PITPNM1: variants seen among roughly 807,000 people sequenced by gnomAD.
The protein encoded by PITPNM1 is membrane-associated phosphatidylinositol transfer protein 1.
In PITPNM1, 74 loss-of-function variants were observed where a neutral mutation model predicts 133.3. That is an observed-to-expected ratio of 0.56 (90% confidence interval 0.46 to 0.67). The LOEUF (loss-of-function observed/expected upper bound fraction) is 0.67, where lower values mean the gene tolerates loss of function less well. Ranked by LOEUF, PITPNM1 falls within the 30% of genes least tolerant of loss-of-function variation. The pLI, the probability that PITPNM1 is intolerant of heterozygous loss-of-function variation, is 0.00. For synonymous variants in PITPNM1, 738 were observed against 741.4 expected, an observed-to-expected ratio of 1.00 and a Z score of 0.08; for missense variants, 1,398 against 1,739.5, an observed-to-expected ratio of 0.80 and a Z score of 3.49.
chr11:67,495,484 G>A lies in PITPNM1; in HGVS notation c.2436C>T (p.Pro812=). The part of the protein sequence containing the change: ...FWKGSELATD[P]PAQPAAPSTT... The stretch of plus-strand genomic sequence containing the variant: ...TGCTGGGGGCGGCTGGCTGGGCCGG[G>A]GGGTCAGTGGCCAACTCACTGCCCT... The change falls in exon 16 of 24, where the codon CCC becomes CCT. Residue 812 remains proline (P), a synonymous_variant. Transcript: ENST00000356404. 6.4e-7 allele frequency: 1 copy of A among 1,563,926 alleles called. No homozygotes were observed. The highest frequency in any genetic ancestry group is 8.6e-7 in the Non-Finnish European group (1 of 1,156,296).
Position 67,502,617 on chromosome 11 carries a change from G to C in PITPNM1, c.180C>G (p.His60Gln), listed in dbSNP as rs752989570. ...DGPGGSGQYT[H>Q]KVYHVGSHIP... ...TGTGGGAGCCCACGTGGTACACCTT[G>C]TGTGTGTATTGCCCGCTGCCCCCGG... The change falls in exon 3 of 24, where the codon CAC (histidine) becomes CAG (glutamine). Residue 60 changes from histidine to glutamine, a missense_variant. Transcript: ENST00000356404. The surrounding 1 kb of genome is among the most constrained non-coding windows in gnomAD (Gnocchi z 5.9). 5 of 1,613,474 alleles carry C rather than the reference G, an allele frequency of 3.1e-6. No homozygotes were observed. The African/African-American group carries it at 6.7e-5, about 22-fold the overall frequency.
Position 67,496,269 on chromosome 11 carries a change from G to A in PITPNM1, c.2226C>T (p.Pro742=), listed in dbSNP as rs750880137. 2 of 1,562,480 alleles carry A rather than the reference G, an allele frequency of 1.3e-6. No individual in the cohort carries two copies. The highest frequency in any genetic ancestry group is 2.4e-5 in the South Asian group (2 of 83,468). The change falls in exon 15 of 24, where the codon CCC becomes CCT. Residue 742 remains proline (P), a synonymous_variant. Coordinates refer to ENST00000356404, the MANE Select transcript of PITPNM1 (RefSeq NM_004910.3). ...TGGCCTGGAACTTCGGGGCCAGCAG[G>A]GGCTCGAGGCGTGAGGCGCAGGGGT... ...AADPCASRLE[P]LLAPKFQAIA... is the part of the protein sequence containing the mutation.
rs1361843641 is a variant in PITPNM1 at position 67,500,338 on chromosome 11, G to A, written c.724C>T (p.Arg242Trp). 6.2e-6 allele frequency: 10 copies of A among 1,612,184 alleles called. No individual in the cohort carries two copies. Among genetic ancestry groups the A allele is most frequent in the Non-Finnish European group, 8.5e-6 (10 of 1,179,902 alleles). Reference protein sequence around the residue: ...EWTELSMADIRALEEETARML... With the variant: ...EWTELSMADIWALEEETARML... ...CGAGCAGTCTCCTCTTCCAGTGCCC[G>A]GATGTCAGCCATGCTCAGCTCTGTC... Residue 242 changes from arginine to tryptophan, a missense_variant, in exon 6 of 24, where the codon CGG becomes TGG. Physicochemically the swap from Arg to Trp is moderately radical, Grantham distance 101. Around this residue, in one of 5 missense-constraint regions of PITPNM1, gnomAD observed 274 missense variants for 360.7 expected, o/e 0.76. Coordinates refer to ENST00000356404, the MANE Select transcript of PITPNM1 (RefSeq NM_004910.3).
Position 67,495,792 on chromosome 11 carries a change from C to T in PITPNM1, c.2318-190G>A, listed in dbSNP as rs182221918. On this transcript the variant is annotated intron_variant, in intron 15 of 23. Transcript: ENST00000356404. ...CTCCTGCCAGAATGCCTGTTGCCACCGCCCCAAACGCTGCACACCTGTGCC... is the reference window on the plus strand; with the variant it reads ...CTCCTGCCAGAATGCCTGTTGCCACTGCCCCAAACGCTGCACACCTGTGCC... Among the ~76,000 whole-genome samples, 45 of 152,336 alleles carry T rather than the reference C, an allele frequency of 3.0e-4. 1 individual carries two copies. Among genetic ancestry groups the T allele is most frequent in the Admixed American group, 1.3e-3 (20 of 15,306 alleles).
chr11:67,501,388 G>A (rs955681388), intron 5 of PITPNM1, among the ~76,000 whole-genome samples: 2 of 152,212 alleles, frequency 1.3e-5, no homozygotes, highest in African/African-American at 2.4e-5. Context: ...AATTGTAGGC[G>A]TGGTGGGGTC....
chr11:67,501,860 A>C lies in PITPNM1; in HGVS notation c.640+2T>G. On this transcript the variant is annotated splice_donor_variant, in intron 5 of 23. Transcript: ENST00000356404. LOFTEE classifies it high-confidence loss of function. ...TGGGACCTCCCGCAGCTGGGTGCTC[A>C]CCTACATCATGGATGAACTGCTCGA... 6.2e-7 allele frequency: 1 copy of C among 1,613,348 alleles called. No homozygotes were observed. Among genetic ancestry groups the C allele is most frequent in the Non-Finnish European group, 8.5e-7 (1 of 1,179,804 alleles).
intron 14 of PITPNM1, 83 bp downstream of exon 14, chr11:67,497,148 C>G (rs1400973643): frequency 1.7e-6 from 2 of 1,191,208 alleles, no homozygotes; most frequent in Admixed American, 2.7e-5. Flanking sequence ...GCTCATGCCT[C>G]GGATGAGAGG....
chr11:67,493,143 T>G, intron 22 of PITPNM1, 81 bp from the exon 23 acceptor site: 1 of 1,537,392 alleles, frequency 6.5e-7, no homozygotes, highest in East Asian at 2.3e-5. Context: ...TTCCCCAGAT[T>G]GTTCTGGGGG....
In PITPNM1 at chr11:67,500,219, C is replaced by T. The variant is rs1318253135; in HGVS notation, c.843G>A (p.Ala281=). The T allele has an allele frequency of 1.2e-5, 19 of 1,603,966 alleles. No individual in the cohort carries two copies. The highest frequency in any genetic ancestry group is 6.6e-5 in the South Asian group (6 of 91,002). ...CATCGGGGGTGCCAGTGTTGCTGGCCGCAGACCGGGCCTCGGTGCTCGGTT... is the reference window on the plus strand; with the variant it reads ...CATCGGGGGTGCCAGTGTTGCTGGCTGCAGACCGGGCCTCGGTGCTCGGTT... ...PGKPSTEARS[A]ASNTGTPDGP... Residue 281 remains alanine, a synonymous_variant, in exon 6 of 24, where the codon GCG becomes GCA. Transcript: ENST00000356404.
Position 67,494,341 on chromosome 11 carries a change from C to G in PITPNM1, c.2762G>C (p.Arg921Pro). ...CTCGCACACCACCGTGTCGCTCGCC[C>G]GGTGGTTGGAAGTGACGTTCTAGAG... Reference protein sequence around the residue: ...VKIRNVTSNHRASDTVVCEGR... With the variant: ...VKIRNVTSNHPASDTVVCEGR... Residue 921 changes from arginine to proline, a missense_variant, in exon 19 of 24, where the codon CGG (arginine) becomes CCG (proline). Transcript: ENST00000356404. 1 of 1,604,950 alleles carries G rather than the reference C, an allele frequency of 6.2e-7. No individual in the cohort carries two copies. Among genetic ancestry groups the G allele is most frequent in the South Asian group, 1.1e-5 (1 of 90,338 alleles).
chr11:67,494,523 C>T (rs61889871), intron 18 of PITPNM1, among the ~76,000 whole-genome samples, 163 bp from the exon 19 acceptor site: 24 of 152,116 alleles, frequency 1.6e-4, no homozygotes, highest in Non-Finnish European at 2.8e-4. Flanking sequence ...TTGTGGACCC[C>T]GGCCTGAGAG....
Position 67,500,425 on chromosome 11 carries a change from CA to C in PITPNM1, c.641-5del. On this transcript the variant is annotated splice_polypyrimidine_tract_variant and splice_region_variant and intron_variant, in intron 5 of 23. Coordinates refer to ENST00000356404, the MANE Select transcript of PITPNM1 (RefSeq NM_004910.3). ...CGCAGCATCACCCGACGCAGACCTG[CA>C]GGTGCCCAGGCGTCAGAACTGCCCC... is the stretch of plus-strand genomic sequence containing the variant. 1.2e-6 allele frequency: 2 copies of C among 1,604,210 alleles called. No homozygotes were observed. The highest frequency in any genetic ancestry group is 1.7e-6 in the Non-Finnish European group (2 of 1,177,046).
rs1238246978 is a variant in PITPNM1 at position 67,493,041 on chromosome 11, C to T, written c.3364G>A (p.Gly1122Ser). 1.9e-6 allele frequency: 3 copies of T among 1,612,926 alleles called. No homozygotes were observed. Among genetic ancestry groups the T allele is most frequent in the Non-Finnish European group, 2.5e-6 (3 of 1,179,924 alleles). ...GCCACATCTTTGGGAGACCCATAAC[C>T]GGCCACGATGTTCAGTTCTACCTGT... Reference protein sequence around the residue: ...VQEVELNIVAGYGSPKDVAVY... With the variant: ...VQEVELNIVASYGSPKDVAVY... The change falls in exon 23 of 24, where the codon GGT becomes AGT. Residue 1122 changes from glycine to serine, a missense_variant. Gly to Ser is a moderately conservative substitution (Grantham distance 56, BLOSUM62 0). Transcript: ENST00000356404.
In PITPNM1 at chr11:67,504,566, T is replaced by A. The variant is rs1240706042; in HGVS notation, c.-41-345A>T. The A allele has an allele frequency of 6.6e-6, 1 of 151,668 alleles. No individual in the cohort carries two copies. Among genetic ancestry groups the A allele is most frequent in the Admixed American group, 6.5e-5 (1 of 15,274 alleles). The allele number at this position is 151,668 out of a possible 1,614,324, so 9.4% of individuals were successfully genotyped here. A position where few individuals can be genotyped will look rare whatever the true frequency, so the allele number is the denominator to read the frequency against. ...TCCTAACCCCGGGAAACGGCATCCC[T>A]CTGGGCGCGCCCCCGAAGCCCCGGG... On this transcript the variant is annotated intron_variant, in intron 1 of 23. Transcript: ENST00000356404. The surrounding 1 kb of genome is among the most constrained non-coding windows in gnomAD (Gnocchi z 5.4).
Position 67,493,062 on chromosome 11 carries a change from C to T in PITPNM1, c.3343G>A (p.Val1115Ile). 1 of 1,612,914 alleles carries T rather than the reference C, an allele frequency of 6.2e-7. No individual in the cohort carries two copies. The highest frequency in any genetic ancestry group is 8.5e-7 in the Non-Finnish European group (1 of 1,179,868). ...TAACCGGCCACGATGTTCAGTTCTA[C>T]CTGTGGCGGGAGATGCCAATCAGCC... ...AMFLQSLVQE[V>I]ELNIVAGYGS... The change falls in exon 23 of 24, where the codon GTA (valine) becomes ATA (isoleucine). Residue 1115 changes from valine (V) to isoleucine (I), a missense_variant and splice_region_variant. Val to Ile is a conservative substitution (Grantham distance 29). Around this residue, in one of 5 missense-constraint regions of PITPNM1, gnomAD observed 233 missense variants for 378.0 expected, o/e 0.62. Transcript: ENST00000356404.
Position 67,504,260 on chromosome 11 carries a change from C to T in PITPNM1, c.-41-39G>A. The T allele has an allele frequency of 8.5e-6, 8 of 939,010 alleles. No individual in the cohort carries two copies. The highest frequency in any genetic ancestry group is 1.2e-5 in the Non-Finnish European group (8 of 693,502). The allele number at this position is 939,010 out of a possible 1,614,324, so 58.2% of individuals were successfully genotyped here. A position where few individuals can be genotyped will look rare whatever the true frequency, so the allele number is the denominator to read the frequency against. ...CGGCGCGACAGTCAGTGCGGGGAGG[C>T]TGCGCGCGGCCCCGAGCCCTGCGCG... On this transcript the variant is annotated intron_variant, in intron 1 of 23. Transcript: ENST00000356404. The surrounding 1 kb of genome is among the most constrained non-coding windows in gnomAD (Gnocchi z 5.4).
In PITPNM1 at chr11:67,493,602, C is replaced by A; in HGVS notation, c.3159-9G>T. ...CGGAGTCCTGCCAGTGCCTGTGGGGCGGGGGCAGCGGTCAGCTCCGCTGGC... is the reference window on the plus strand; with the variant it reads ...CGGAGTCCTGCCAGTGCCTGTGGGGAGGGGGCAGCGGTCAGCTCCGCTGGC... On this transcript the variant is annotated splice_polypyrimidine_tract_variant and intron_variant, in intron 21 of 23. Coordinates refer to ENST00000356404, the MANE Select transcript of PITPNM1 (RefSeq NM_004910.3). 6.5e-7 allele frequency: 1 copy of A among 1,544,512 alleles called. No homozygotes were observed. Among genetic ancestry groups the A allele is most frequent in the Non-Finnish European group, 8.7e-7 (1 of 1,143,604 alleles).
chr11:67,496,072 C>T (rs1347650674), intron 15 of PITPNM1, 106 bp downstream of exon 15: 3 of 1,103,300 alleles, frequency 2.7e-6, no homozygotes, highest in Non-Finnish European at 3.7e-6. Context: ...GAGTGGTGGC[C>T]TGAGAGGTTT....
At position 67,494,968 on chromosome 11, in the gene PITPNM1, AG is replaced by A. The variant is rs1412752176; in HGVS notation, c.2632-13del. 3 of 1,610,826 alleles carry A rather than the reference AG, an allele frequency of 1.9e-6. No individual in the cohort carries two copies. In the Admixed American group the frequency reaches 5.0e-5, roughly 27 times the overall value. On this transcript the variant is annotated splice_polypyrimidine_tract_variant and intron_variant, in intron 17 of 23. Coordinates refer to ENST00000356404, the MANE Select transcript of PITPNM1 (RefSeq NM_004910.3). ...TCCTTCTCGATCACCTGCACGGGAC[AG>A]GGGGCGAGGCCTCTGTCTCTTAGGG...
Sources: allele counts gnomAD v4.1 joint callset (sites outside exome capture counted in the v4.1 genomes callset), GRCh38; gene constraint gnomAD v4.1.1; regional missense constraint gnomAD v4.1.1; non-coding constraint Gnocchi (gnomAD v3.1); transcripts MANE v1.5; gene names NCBI Gene and HGNC (gene_info 2026-07-23, HGNC 2026-07-21).